Variants in PGLYRP4 observed in about 807,000 individuals in gnomAD.
PGLYRP4 encodes the protein PGRP-I-beta.
In PGLYRP4, 39 loss-of-function variants were observed where a neutral mutation model predicts 41.2. The observed-to-expected ratio is 0.95, with a 90% CI of 0.73 to 1.24. The LOEUF is 1.24. Among genes scored for constraint, PGLYRP4 ranks in the 50% most tolerant of loss-of-function variants. The pLI is 0.00. For synonymous variants in PGLYRP4, 202 were observed against 186.8 expected (o/e 1.08, Z -0.66); for missense variants, 467 against 460.7 (o/e 1.01, Z -0.13).
intron 8 of PGLYRP4, chr1:153,331,547 T>A (rs1660336973): frequency 6.6e-6 from 1 of 152,286 alleles, no homozygotes; most frequent in African/African-American, 2.4e-5. Context: ...TCAGCCCCAG[T>A]GACATGACCT....
chr1:153,348,187 C>T (rs956949812), intron 1 of PGLYRP4, among the ~76,000 whole-genome samples: 1 of 152,184 alleles, frequency 6.6e-6, no homozygotes, highest in Non-Finnish European at 1.5e-5. Context: ...AATTTCATCA[C>T]GTGCCCACGG....
intron 4 of PGLYRP4, 21 bp from the exon 5 acceptor site, chr1:153,343,229 G>A (rs1424997353): frequency 1.3e-6 from 2 of 1,532,892 alleles, no homozygotes; most frequent in African/African-American, 1.4e-5. Flanking sequence ...AGATAATACA[G>A]GTTTCATGGC....
At chr1:153,331,442 G>A (rs1557821137) in intron 8 of PGLYRP4, among the ~76,000 whole-genome samples, 1 of 152,152 alleles carries the variant, frequency 6.6e-6, no homozygotes, top group Non-Finnish European at 1.5e-5. Flanking sequence ...ACCCTTTCAT[G>A]TCTAGCTCAA....
intron 8 of PGLYRP4, among the ~76,000 whole-genome samples, chr1:153,333,847 A>C (rs1339151529): frequency 6.6e-6 from 1 of 152,212 alleles, no homozygotes; most frequent in African/African-American, 2.4e-5. Flanking sequence ...AAAGCATTCA[A>C]TTAAATCCAA....
intron 6 of PGLYRP4, 26 bp from the exon 7 acceptor site, chr1:153,340,605 G>C: frequency 6.2e-7 from 1 of 1,607,888 alleles, no homozygotes; most frequent in Non-Finnish European, 8.5e-7. Flanking sequence ...AAACCACAGA[G>C]GGTTCATCTT....
chr1:153,347,762 C>T (rs1661077574), intron 2 of PGLYRP4, 122 bp downstream of exon 2: 10 of 724,300 alleles, frequency 1.4e-5, no homozygotes, highest in Admixed American at 9.2e-5. Context: ...GGTGGGATCT[C>T]GGCTCACTGC....
Position 153,345,459 on chromosome 1 carries a change from G to C in PGLYRP4, c.140-77C>G, listed in dbSNP as rs1660969954. ...CAAGCTGAACATGCAGGCATGGGCT[G>C]TGTCGGCCCCTTGGTAGTGGAAGAG... is the stretch of plus-strand genomic sequence containing the variant. On this transcript the variant is annotated intron_variant, in intron 3 of 8. Transcript: ENST00000359650. The C allele has an allele frequency of 2.2e-6, 3 of 1,335,306 alleles. No homozygotes were observed. In the South Asian group the frequency reaches 3.7e-5, roughly 16 times the overall value. The allele number at this position is 1,335,306 out of a possible 1,614,324, so 82.7% of individuals were successfully genotyped here. A position where few individuals can be genotyped will look rare whatever the true frequency, so the allele number is the denominator to read the frequency against.
At chr1:153,348,446 C>T (rs1330507196) in intron 1 of PGLYRP4, 82 bp downstream of exon 1, 1 of 154,544 alleles carries the variant, frequency 6.5e-6, no homozygotes, top group Non-Finnish European at 1.4e-5. Flanking sequence ...AGAGGAAATC[C>T]AATCCTTAAC....
chr1:153,338,825 C>A (rs550497150), intron 7 of PGLYRP4, among the ~76,000 whole-genome samples: 3 of 152,194 alleles, frequency 2.0e-5, no homozygotes, highest in Non-Finnish European at 4.4e-5. Context: ...AACCTCCCGT[C>A]TACCCTCCAT....
chr1:153,347,666 C>G (rs183438734), intron 2 of PGLYRP4, among the ~76,000 whole-genome samples: 1 of 152,048 alleles, frequency 6.6e-6, no homozygotes, highest in Non-Finnish European at 1.5e-5. Flanking sequence ...GCCACCACCC[C>G]TGGCCAAGAG....
intron 8 of PGLYRP4, among the ~76,000 whole-genome samples, chr1:153,336,827 T>C (rs1268603562): frequency 1.3e-5 from 2 of 152,188 alleles, no homozygotes; most frequent in African/African-American, 4.8e-5. Context: ...CTTTGGCATA[T>C]AAGGAAAAGT....
chr1:153,341,439 G>A (rs1356129249), intron 6 of PGLYRP4, among the ~76,000 whole-genome samples, 188 bp downstream of exon 6: 1 of 152,214 alleles, frequency 6.6e-6, no homozygotes, highest in African/African-American at 2.4e-5. Flanking sequence ...GAATCTGAGG[G>A]ACAAAGAGGT....
intron 4 of PGLYRP4, among the ~76,000 whole-genome samples, chr1:153,344,159 G>A (rs1446350463): frequency 6.6e-6 from 1 of 152,216 alleles, no homozygotes; most frequent in Non-Finnish European, 1.5e-5. Context: ...CTGTAAGAGA[G>A]TAGGCTCTGA....
At chr1:153,332,249 A>G (rs895858282) in intron 8 of PGLYRP4, among the ~76,000 whole-genome samples, 1 of 152,220 alleles carries the variant, frequency 6.6e-6, no homozygotes, top group Non-Finnish European at 1.5e-5. Context: ...AAAAGGATCA[A>G]TTCAATAAGA....
At chr1:153,340,338 G>A in intron 7 of PGLYRP4, 43 bp downstream of exon 7, 2 of 1,557,472 alleles carry the variant, frequency 1.3e-6, no homozygotes, top group Non-Finnish European at 8.9e-7. Flanking sequence ...CTCAGTTTCT[G>A]CCCCCAAGGG....
intron 6 of PGLYRP4, 25 bp downstream of exon 6, chr1:153,341,602 C>T: frequency 6.3e-7 from 1 of 1,598,806 alleles, no homozygotes; most frequent in Non-Finnish European, 8.5e-7. Context: ...GTGGCAGGCC[C>T]AGTAGGGCTG....
rs912472723 is a variant in PGLYRP4, at chr1:153,346,125, T to C, written c.116A>G (p.Asn39Ser). Residue 39 changes from asparagine (N) to serine (S), a missense_variant, in exon 3 of 9, where the codon AAC becomes AGC. Physicochemically the swap from Asn to Ser is conservative, Grantham distance 46. Coordinates refer to ENST00000359650, the MANE Select transcript of PGLYRP4 (RefSeq NM_020393.4). ...VSEGLQYLFENISQLTEKGLP... is the reference protein window; with the variant it reads ...VSEGLQYLFESISQLTEKGLP... ...ACCTTTTTCAGTGAGCTGGGAGATG[T>C]TCTCAAATAGGTACTGGAGCCCCTC... 1.2e-6 allele frequency: 2 copies of C among 1,613,596 alleles called. No homozygotes were observed. The highest frequency in any genetic ancestry group is 8.5e-7 in the Non-Finnish European group (1 of 1,179,506).
chr1:153,331,549 A>G (rs1660337078), intron 8 of PGLYRP4: 1 of 152,320 alleles, frequency 6.6e-6, no homozygotes, highest in Non-Finnish European at 1.5e-5. Flanking sequence ...AGCCCCAGTG[A>G]CATGACCTCA....
chr1:153,340,774 T>A (rs2101568727), intron 6 of PGLYRP4, among the ~76,000 whole-genome samples, 195 bp from the exon 7 acceptor site: 1 of 152,314 alleles, frequency 6.6e-6, no homozygotes, highest in African/African-American at 2.4e-5. Flanking sequence ...ACATGGACAT[T>A]TTATTCTAAG....
Sources: gnomAD v4.1 joint callset for allele counts (sites outside exome capture counted in the v4.1 genomes callset) on GRCh38, gnomAD v4.1.1 for gene constraint, MANE v1.5 for transcripts, NCBI Gene and HGNC (gene_info 2026-07-23, HGNC 2026-07-21) for gene names.